The following PCCA variants were observed in gnomAD, a reference collection of about 807,000 sequenced individuals.
PCCA encodes the protein propionyl-CoA carboxylase alpha chain, mitochondrial.
A neutral mutation model predicts 101.3 loss-of-function variants in PCCA; 74 were observed. That is an observed-to-expected ratio of 0.73 (90% CI 0.61 to 0.89). The LOEUF is 0.89. Among genes scored for constraint, PCCA ranks in the 40% least tolerant of loss-of-function variants. The probability of loss-of-function intolerance (pLI) is 0.00; values close to 1 mark genes in which losing one functional copy is unlikely to be tolerated. For missense variants in PCCA, 891 were observed against 907.0 expected, an observed-to-expected ratio of 0.98 and a Z score of 0.23; for synonymous variants, 294 against 313.6, an observed-to-expected ratio of 0.94 and a Z score of 0.66.
intron 4 of PCCA, among the ~76,000 whole-genome samples, chr13:100,141,260 C>T (rs1341442602): frequency 5.9e-5 from 9 of 152,154 alleles, no homozygotes; most frequent in Non-Finnish European, 1.5e-5. Context: ...TATACTGGCA[C>T]CTTTCACATT....
At chr13:100,209,582 ACG>A in intron 7 of PCCA, 119 bp downstream of exon 7, 2 of 755,766 alleles carry the variant, frequency 2.6e-6, no homozygotes, top group Non-Finnish European at 4.7e-6. Context: ...ACACATATGC[ACG>A]CACATACATA....
rs1001038302 is a variant in PCCA, at chr13:100,281,480, G to C, written c.1065+8134G>C. On this transcript the variant is annotated intron_variant, in intron 12 of 23. Transcript: ENST00000376285. Reference sequence around the variant, plus strand: ...TTTCAGGCATTTGCTGGGGACCTAGGAACATGTCCCCCAAGGATAAGGGGG... The same window carrying C: ...TTTCAGGCATTTGCTGGGGACCTAGCAACATGTCCCCCAAGGATAAGGGGG... Among the ~76,000 whole-genome samples, 2 of 152,162 alleles carry C rather than the reference G, an allele frequency of 1.3e-5. 1 individual carries two copies. The highest frequency in any genetic ancestry group is 4.8e-5 in the African/African-American group (2 of 41,442).
chr13:100,515,023 A>G (rs1435741758), intron 21 of PCCA, among the ~76,000 whole-genome samples: 1 of 152,142 alleles, frequency 6.6e-6, no homozygotes, highest in East Asian at 1.9e-4. Context: ...GCTGCCATCT[A>G]CTGGCGCCTG....
chr13:100,150,624 T>A lies in PCCA; in HGVS notation c.301-4355T>A, dbSNP rs2053196484. On this transcript the variant is annotated intron_variant, in intron 4 of 23. Transcript: ENST00000376285. ...AGATGTCAGCCCACACATCTCCCTG[T>A]GCTGTGGACTGATTTGGTGATCCAT... The A allele has an allele frequency of 6.5e-6, 8 of 1,227,270 alleles. No homozygotes were observed. The East Asian group carries it at 1.9e-4, about 28-fold the overall frequency. 76.0% of individuals were successfully genotyped at this position (1,227,270 alleles called of 1,614,324 possible).
chr13:100,428,277 AG>A (rs1304562065), intron 20 of PCCA, among the ~76,000 whole-genome samples: 2 of 151,556 alleles, frequency 1.3e-5, no homozygotes, highest in Non-Finnish European at 2.9e-5. Context: ...TATGTTGCCC[AG>A]GCTGGTTTGG....
intron 21 of PCCA, among the ~76,000 whole-genome samples, chr13:100,486,692 C>T (rs1373738006): frequency 1.3e-5 from 2 of 152,160 alleles, no homozygotes; most frequent in African/African-American, 4.8e-5. Context: ...GCAGGATGAT[C>T]ACTTGAGCCC....
chr13:100,092,951 C>A (rs1018836934), intron 1 of PCCA, among the ~76,000 whole-genome samples: 4 of 152,066 alleles, frequency 2.6e-5, no homozygotes, highest in African/African-American at 9.7e-5. Context: ...TATACATCTA[C>A]CATTTGGATT....
intron 21 of PCCA, among the ~76,000 whole-genome samples, chr13:100,494,005 A>G (rs898893181): frequency 2.0e-5 from 3 of 151,974 alleles, no homozygotes; most frequent in Non-Finnish European, 4.4e-5. Flanking sequence ...CCTGGCCAAC[A>G]TGGTGAAACC....
chr13:100,191,995 T>C (rs1373759903), intron 6 of PCCA, among the ~76,000 whole-genome samples: 2 of 152,336 alleles, frequency 1.3e-5, no homozygotes, highest in East Asian at 1.9e-4. Flanking sequence ...AAATCTCAGG[T>C]GATCTGAACG....
intron 19 of PCCA, among the ~76,000 whole-genome samples, chr13:100,391,606 G>T (rs1280670514): frequency 6.6e-6 from 1 of 152,196 alleles, no homozygotes; most frequent in Non-Finnish European, 1.5e-5. Flanking sequence ...AGAGGTGCCA[G>T]TGAGGGAGGT....
chr13:100,506,172 C>T (rs1055992456), intron 21 of PCCA, among the ~76,000 whole-genome samples: 1 of 152,034 alleles, frequency 6.6e-6, no homozygotes, highest in African/African-American at 2.4e-5. Context: ...GGGGCCACAT[C>T]GCCCTGTCTC....
At chr13:100,246,708 A>G (rs2061450199) in intron 8 of PCCA, among the ~76,000 whole-genome samples, 1 of 152,120 alleles carries the variant, frequency 6.6e-6, no homozygotes, top group Non-Finnish European at 1.5e-5. Context: ...TTGTGGTCAG[A>G]GAGTATCATG....
intron 17 of PCCA, among the ~76,000 whole-genome samples, chr13:100,339,095 A>C (rs2070930734): frequency 6.6e-6 from 1 of 152,096 alleles, no homozygotes; most frequent in Non-Finnish European, 1.5e-5. Context: ...TGTCGTATTT[A>C]CATATAACTT....
At chr13:100,369,854 G>A (rs2075449818) in intron 19 of PCCA, among the ~76,000 whole-genome samples, 1 of 152,028 alleles carries the variant, frequency 6.6e-6, no homozygotes, top group Admixed American at 6.5e-5. Context: ...GCAAATTATA[G>A]GAATTGAATA....
At chr13:100,267,466 G>T (rs1167594142) in intron 10 of PCCA, among the ~76,000 whole-genome samples, 2 of 151,868 alleles carry the variant, frequency 1.3e-5, no homozygotes, top group African/African-American at 4.8e-5. Flanking sequence ...ATCTTTATTT[G>T]ATTTTTTTCA....
intron 19 of PCCA, among the ~76,000 whole-genome samples, chr13:100,410,622 T>G (rs561680656): frequency 6.6e-6 from 1 of 152,336 alleles, no homozygotes; most frequent in East Asian, 1.9e-4. Context: ...GACCTCTCCT[T>G]GCACACCACT....
chr13:100,500,933 C>T (rs1442015874), intron 21 of PCCA, among the ~76,000 whole-genome samples: 2 of 151,906 alleles, frequency 1.3e-5, no homozygotes, highest in South Asian at 2.1e-4. Context: ...CACAAGGTCA[C>T]GAGTTTGAGA....
chr13:100,360,745 C>T lies in PCCA; in HGVS notation c.1644-7727C>T, dbSNP rs150173442. Among the ~76,000 whole-genome samples, 586 of 152,228 alleles carry T rather than the reference C, an allele frequency of 3.8e-3. 4 individuals carry two copies. Among genetic ancestry groups the T allele is most frequent in the African/African-American group, 0.014 (561 of 41,536 alleles). ...CAAAATGGTAAGCCACTTTAGAAGA[C>T]AGTTTGGCAGTTTCTTACACAGCAT... On this transcript the variant is annotated intron_variant, in intron 18 of 23. Transcript: ENST00000376285.
intron 18 of PCCA, among the ~76,000 whole-genome samples, chr13:100,344,714 A>G (rs1441282270): frequency 6.6e-6 from 1 of 152,200 alleles, no homozygotes; most frequent in Non-Finnish European, 1.5e-5. Context: ...ATACAGGCAC[A>G]CCTCATTTCA....
Sources: gnomAD v4.1 joint callset for allele counts (sites outside exome capture counted in the v4.1 genomes callset) on GRCh38, gnomAD v4.1.1 for gene constraint, MANE v1.5 for transcripts, NCBI Gene and HGNC (gene_info 2026-07-23, HGNC 2026-07-21) for gene names.